The following ZNF445 variants were observed in gnomAD, a reference collection of about 807,000 sequenced individuals.
ZNF445 encodes zinc finger protein 445, also known as zinc finger protein 168.
A neutral mutation model predicts 93.9 loss-of-function variants in ZNF445; 19 were observed. The observed-to-expected ratio is 0.20, with a 90% CI of 0.14 to 0.30. ZNF445 has a LOEUF of 0.30. Among genes scored for constraint, ZNF445 ranks in the 10% least tolerant of loss-of-function variants. The probability of loss-of-function intolerance (pLI) is 1.00; values close to 1 mark genes in which losing one functional copy is unlikely to be tolerated. For missense variants in ZNF445, 1,058 were observed against 1,259.4 expected (o/e 0.84, Z 2.42); for synonymous variants, 449 against 446.3 (o/e 1.01, Z -0.08).
At position 44,455,185 on chromosome 3, in the gene ZNF445, C is replaced by T. The variant is rs753319440; in HGVS notation, c.365G>A (p.Ser122Asn). ...CAGCAAGGCCACAGCCTCCTCGCCA[C>T]TCTCAGGGTTATGAAGCTGCACCCA... ...RVWVQLHNPE[S>N]GEEAVALLEE... Residue 122 changes from serine to asparagine, a missense_variant, in exon 3 of 8, where the codon AGT becomes AAT. Coordinates refer to ENST00000396077, the MANE Select transcript of ZNF445 (RefSeq NM_181489.6). 1.2e-6 allele frequency: 2 copies of T among 1,614,214 alleles called. No individual in the cohort carries two copies. The highest frequency in any genetic ancestry group is 8.5e-7 in the Non-Finnish European group (1 of 1,180,034).
At position 44,435,577 on chromosome 3, in the gene ZNF445, A is replaced by C. The variant is rs1190534634; in HGVS notation, c.*10998T>G. The C allele has an allele frequency of 1.3e-5, 2 of 152,212 alleles. No individual in the cohort carries two copies. The highest frequency in any genetic ancestry group is 2.9e-5 in the Non-Finnish European group (2 of 68,036). 9.4% of individuals were successfully genotyped at this position (152,212 alleles called of 1,614,324 possible). On this transcript the variant is annotated 3_prime_UTR_variant, in exon 8 of 8. Transcript: ENST00000396077. ...TTTGATGGTGGCACTAATCTCAACA[A>C]TCTCTCCAGGAATGTGGTATTAGTT...
chr3:44,457,514 G>A (rs1177829124), intron 2 of ZNF445, among the ~76,000 whole-genome samples: 2 of 151,992 alleles, frequency 1.3e-5, no homozygotes, highest in East Asian at 1.9e-4. Context: ...CTCCCACATC[G>A]GCCTCCTAAG....
chr3:44,448,874 A>C, intron 7 of ZNF445, 135 bp from the exon 8 acceptor site: 2 of 1,073,302 alleles, frequency 1.9e-6, no homozygotes, highest in Non-Finnish European at 2.6e-6. Flanking sequence ...ATAGTCAAAC[A>C]TAAGGCAAAA....
At chr3:44,454,509 C>T (rs146349894) in intron 3 of ZNF445, among the ~76,000 whole-genome samples, 4 of 152,330 alleles carry the variant, frequency 2.6e-5, no homozygotes, top group African/African-American at 7.2e-5. Flanking sequence ...TCACGGCTCA[C>T]TGCAGCCTTG....
chr3:44,433,868 C>T lies in ZNF445; in HGVS notation c.*12707G>A, dbSNP rs893816161. On this transcript the variant is annotated 3_prime_UTR_variant, in exon 8 of 8. Coordinates refer to ENST00000396077, the MANE Select transcript of ZNF445 (RefSeq NM_181489.6). ...ATGGTCTTGAACATCATGCACTGCA[C>T]CTGGCAAAATAGCCGGTCCTGATCA... The T allele has an allele frequency of 3.3e-5, 5 of 152,190 alleles. No individual in the cohort carries two copies. The highest frequency in any genetic ancestry group is 4.4e-5 in the Non-Finnish European group (3 of 68,082). The allele number at this position is 152,190 out of a possible 1,614,324, so 9.4% of individuals were successfully genotyped here. A position where few individuals can be genotyped will look rare whatever the true frequency, so the allele number is the denominator to read the frequency against.
chr3:44,457,293 A>G (rs982683102), intron 2 of ZNF445, among the ~76,000 whole-genome samples: 7 of 151,838 alleles, frequency 4.6e-5, no homozygotes, highest in Non-Finnish European at 1.0e-4. Flanking sequence ...TTTTTTAAAG[A>G]CAGGGTCTCT....
chr3:44,449,601 A>G lies in ZNF445; in HGVS notation c.843T>C (p.Ala281=). 6.2e-7 allele frequency: 1 copy of G among 1,614,090 alleles called. No homozygotes were observed. Residue 281 remains alanine, a synonymous_variant, in exon 7 of 8, where the codon GCT becomes GCC. Transcript: ENST00000396077. ...CCCTTGCTTCCAACCAGGAGATCAG[A>G]GCAGGTTTGGTGAATGGTCCCACTG... is the stretch of plus-strand genomic sequence containing the variant. ...ASLVGPFTKP[A]LISWLEAREP...
At chr3:44,474,578 A>G (rs1382250381) in intron 1 of ZNF445, among the ~76,000 whole-genome samples, 1 of 152,214 alleles carries the variant, frequency 6.6e-6, no homozygotes, top group Non-Finnish European at 1.5e-5. Context: ...AAGTGTTTTG[A>G]AAGACTAAGT....
intron 1 of ZNF445, among the ~76,000 whole-genome samples, chr3:44,476,073 T>A (rs543421372): frequency 6.6e-6 from 1 of 152,310 alleles, no homozygotes; most frequent in South Asian, 2.1e-4. Context: ...AAGAAATTCA[T>A]AAATTCAATC....
At position 44,433,169 on chromosome 3, in the gene ZNF445, A is replaced by T. The variant is rs1697596424; in HGVS notation, c.*13406T>A. 1.3e-5 allele frequency: 2 copies of T among 149,750 alleles called. No individual in the cohort carries two copies. The highest frequency in any genetic ancestry group is 4.2e-4 in the South Asian group (2 of 4,716). 9.3% of individuals were successfully genotyped at this position (149,750 alleles called of 1,614,324 possible). A position where few individuals can be genotyped will look rare whatever the true frequency, so the allele number is the denominator to read the frequency against. On this transcript the variant is annotated 3_prime_UTR_variant, in exon 8 of 8. Transcript: ENST00000396077. ...CGCTCTGTTGTCCAGGCTGGAGTGC[A>T]GTGGCACTATCTCGGCTCACCACAA...
chr3:44,454,586 C>T (rs1405409542), intron 3 of ZNF445, among the ~76,000 whole-genome samples: 2 of 152,216 alleles, frequency 1.3e-5, no homozygotes, highest in African/African-American at 2.4e-5. Context: ...CAGTCACATG[C>T]TACCACATTC....
intron 1 of ZNF445, among the ~76,000 whole-genome samples, chr3:44,469,223 G>A (rs1010953143): frequency 1.1e-4 from 16 of 152,100 alleles, no homozygotes; most frequent in Non-Finnish European, 1.9e-4. Context: ...TGAGGTCACT[G>A]AGAAAAGACA....
chr3:44,451,027 T>C, intron 4 of ZNF445, 65 bp from the exon 5 acceptor site: 2 of 1,351,472 alleles, frequency 1.5e-6, no homozygotes, highest in Non-Finnish European at 2.0e-6. Context: ...AGCCCACTCT[T>C]CCCCCCAGTA....
At chr3:44,471,664 AAAG>A (rs1298070592) in intron 1 of ZNF445, among the ~76,000 whole-genome samples, 6 of 152,226 alleles carry the variant, frequency 3.9e-5, no homozygotes, top group African/African-American at 1.4e-4. Context: ...ACTAAGATGT[AAAG>A]AAGACTCACA....
intron 1 of ZNF445, among the ~76,000 whole-genome samples, chr3:44,462,656 G>A (rs967417402): frequency 6.6e-6 from 1 of 151,648 alleles, no homozygotes; most frequent in Non-Finnish European, 1.5e-5. Context: ...ACCACCCTGG[G>A]GGAGATTCTA....
chr3:44,468,354 T>C (rs1346353213), intron 1 of ZNF445, among the ~76,000 whole-genome samples: 3 of 152,246 alleles, frequency 2.0e-5, no homozygotes, highest in Admixed American at 6.5e-5. Flanking sequence ...TCCTTGTTCA[T>C]TCCTGGGCAC....
chr3:44,451,578 C>A, intron 3 of ZNF445, 96 bp from the exon 4 acceptor site: 2 of 1,371,558 alleles, frequency 1.5e-6, no homozygotes, highest in Non-Finnish European at 2.0e-6. Flanking sequence ...GGACAAAGGC[C>A]GAGGGATAGG....
Position 44,463,586 on chromosome 3 carries a change from C to T in ZNF445, c.-268-5222G>A, listed in dbSNP as rs935846456. Reference sequence around the variant, plus strand: ...AGTTTTGGGGTATCAGAAATTACTTCGCATTATGAGAGAGCTTTGGTGTGT... The same window carrying T: ...AGTTTTGGGGTATCAGAAATTACTTTGCATTATGAGAGAGCTTTGGTGTGT... On this transcript the variant is annotated intron_variant, in intron 1 of 7. Transcript: ENST00000396077. Among the ~76,000 whole-genome samples, 7 of 152,244 alleles carry T rather than the reference C, an allele frequency of 4.6e-5. No homozygotes were observed. The South Asian group carries it at 1.0e-3, about 23-fold the overall frequency.
chr3:44,459,208 T>C (rs1698073522), intron 1 of ZNF445, among the ~76,000 whole-genome samples: 1 of 152,194 alleles, frequency 6.6e-6, no homozygotes, highest in Non-Finnish European at 1.5e-5. Flanking sequence ...AGTTGTTTAT[T>C]GTATCGTTTA....
Sources: gnomAD v4.1 joint callset for allele counts (sites outside exome capture counted in the v4.1 genomes callset) on GRCh38, gnomAD v4.1.1 for gene constraint, MANE v1.5 for transcripts, NCBI Gene and HGNC (gene_info 2026-07-23, HGNC 2026-07-21) for gene names.